The following CPEB4 variants were observed in gnomAD, a reference collection of about 807,000 sequenced individuals.
The protein encoded by CPEB4 is cytoplasmic polyadenylation element binding protein 4.
CPEB4 carries 12 observed loss-of-function variants against 72.5 expected under a neutral mutation model. The ratio of observed to expected loss-of-function variants is 0.17; its 90% CI spans 0.11 to 0.27. The LOEUF (loss-of-function observed/expected upper bound fraction) is 0.27, where lower values mean the gene tolerates loss of function less well. Ranked by LOEUF, CPEB4 falls within the 10% of genes least tolerant of loss-of-function variation. The probability of loss-of-function intolerance (pLI) is 1.00; values close to 1 mark genes in which losing one functional copy is unlikely to be tolerated. For missense variants in CPEB4, 614 were observed against 908.5 expected (o/e 0.68, Z 4.17); for synonymous variants, 302 against 326.3 (o/e 0.93, Z 0.80).
chr5:173,924,737 C>T (rs1234140867), intron 2 of CPEB4, among the ~76,000 whole-genome samples: 2 of 152,194 alleles, frequency 1.3e-5, no homozygotes, highest in Admixed American at 1.3e-4. Context: ...ATGATACCGG[C>T]TTGACTCTAC....
chr5:173,941,043 G>A (rs1466825413), intron 3 of CPEB4, among the ~76,000 whole-genome samples: 1 of 152,104 alleles, frequency 6.6e-6, no homozygotes, highest in Non-Finnish European at 1.5e-5. Flanking sequence ...TGATATAATG[G>A]AAGCCATGAG....
chr5:173,897,060 TTG>T (rs1561604706), intron 1 of CPEB4, among the ~76,000 whole-genome samples: 1 of 152,250 alleles, frequency 6.6e-6, no homozygotes, highest in African/African-American at 2.4e-5. Context: ...CAAATATAGC[TTG>T]TGTTACTGTG....
At chr5:173,914,745 A>G (rs902817421) in intron 2 of CPEB4, among the ~76,000 whole-genome samples, 15 of 152,154 alleles carry the variant, frequency 9.9e-5, no homozygotes, top group African/African-American at 3.1e-4. Flanking sequence ...AACAGAAGAG[A>G]GAGACTCCGT....
rs1271561661 is a variant in CPEB4, at chr5:173,956,853, C to G, written c.*716C>G. On this transcript the variant is annotated 3_prime_UTR_variant, in exon 10 of 10. Transcript: ENST00000265085. ...AAAAAAAATAGTAAAGTAGGCAGAG[C>G]TAGGTTTATTTTCTCTTAAACAATT... 2 of 152,250 alleles carry G rather than the reference C, an allele frequency of 1.3e-5. No homozygotes were observed. The highest frequency in any genetic ancestry group is 2.9e-5 in the Non-Finnish European group (2 of 67,952). The allele number at this position is 152,250 out of a possible 1,614,324, so 9.4% of individuals were successfully genotyped here.
At chr5:173,937,019 C>CTTT (rs150187685) in intron 3 of CPEB4, among the ~76,000 whole-genome samples, 11 of 97,220 alleles carry the variant, frequency 1.1e-4, no homozygotes, top group Admixed American at 2.2e-4. Context: ...CATTTCTTTC[C>CTTT]TTTTTTTTTT....
At chr5:173,945,272 C>A (rs193029206) in intron 5 of CPEB4, 132 bp downstream of exon 5, 3 of 711,298 alleles carry the variant, frequency 4.2e-6, no homozygotes, top group Non-Finnish European at 4.6e-6. Flanking sequence ...CTTGTCCTAT[C>A]CTCCTATCAT....
intron 2 of CPEB4, among the ~76,000 whole-genome samples, chr5:173,928,312 T>C (rs886107396): frequency 6.6e-6 from 1 of 152,112 alleles, no homozygotes; most frequent in Non-Finnish European, 1.5e-5. Context: ...AATGTATAGG[T>C]TGGTGCAAAA....
In CPEB4 at chr5:173,960,256, A is replaced by G. The variant is rs2113321691; in HGVS notation, c.*4119A>G. The G allele has an allele frequency of 6.5e-6, 1 of 152,748 alleles. No individual in the cohort carries two copies. Among genetic ancestry groups the G allele is most frequent in the East Asian group, 1.9e-4 (1 of 5,200 alleles). The allele number at this position is 152,748 out of a possible 1,614,324, so 9.5% of individuals were successfully genotyped here. A position where few individuals can be genotyped will look rare whatever the true frequency, so the allele number is the denominator to read the frequency against. On this transcript the variant is annotated 3_prime_UTR_variant, in exon 10 of 10. Transcript: ENST00000265085. ...TGACTATTTATACCAGTATGCATATAATTTTTAAATATTTGTAATGTGAGA... is the reference window on the plus strand; with the variant it reads ...TGACTATTTATACCAGTATGCATATGATTTTTAAATATTTGTAATGTGAGA...
rs1758171248 is a variant in CPEB4, at chr5:173,950,292, T to C, written c.1665+214T>C. The stretch of plus-strand genomic sequence containing the variant: ...GAATTTTTGGTTAGTTGAAATATAA[T>C]TGGTAAATCTTTATTTTTAAAAGAT... On this transcript the variant is annotated intron_variant, in intron 7 of 9. Coordinates refer to ENST00000265085, the MANE Select transcript of CPEB4 (RefSeq NM_030627.4). The surrounding 1 kb of genome is among the most constrained non-coding windows in gnomAD (Gnocchi z 5.0). Among the ~76,000 whole-genome samples, 1 of 152,218 alleles carries C rather than the reference T, an allele frequency of 6.6e-6. No homozygotes were observed. Among genetic ancestry groups the C allele is most frequent in the Non-Finnish European group, 1.5e-5 (1 of 68,036 alleles).
chr5:173,908,700 CAAGTG>C (rs1299099798), intron 1 of CPEB4, among the ~76,000 whole-genome samples: 2 of 152,108 alleles, frequency 1.3e-5, no homozygotes, highest in African/African-American at 4.8e-5. Context: ...AAAATGCTCT[CAAGTG>C]GAGGACATCC....
intron 9 of CPEB4, among the ~76,000 whole-genome samples, chr5:173,954,372 A>C (rs1332884821): frequency 6.6e-6 from 1 of 152,108 alleles, no homozygotes; most frequent in Non-Finnish European, 1.5e-5. Flanking sequence ...GTATGTTAAC[A>C]TGCCTACTTT....
intron 9 of CPEB4, among the ~76,000 whole-genome samples, chr5:173,954,457 C>T (rs986031048): frequency 6.6e-6 from 1 of 152,178 alleles, no homozygotes; most frequent in Admixed American, 6.5e-5. Flanking sequence ...ACTCCAACCT[C>T]TGCCTCCCGG....
rs568295414 is a variant in CPEB4 at position 173,900,457 on chromosome 5, G to A, written c.1125+9599G>A. The stretch of plus-strand genomic sequence containing the variant: ...GTGGACCCCTCTCCCTGCTGACGCC[G>A]GACCCTGCTCAGACCTAGCAGACAT... On this transcript the variant is annotated intron_variant, in intron 1 of 9. Transcript: ENST00000265085. This position sits in a 1 kb window ranked among gnomAD's most constrained non-coding sequence, Gnocchi z 4.4. Among the ~76,000 whole-genome samples the A allele has an allele frequency of 2.0e-5, 3 of 151,914 alleles. No individual in the cohort carries two copies. The highest frequency in any genetic ancestry group is 4.8e-5 in the African/African-American group (2 of 41,434).
At chr5:173,942,921 T>C (rs552412473) in intron 3 of CPEB4, 105 bp from the exon 4 acceptor site, 173 of 1,152,796 alleles carry the variant, frequency 1.5e-4, no homozygotes, top group Non-Finnish European at 2.1e-4. Context: ...TCACAGTTTT[T>C]CCATTTTCAA....
At chr5:173,931,665 G>A (rs533566453) in intron 2 of CPEB4, among the ~76,000 whole-genome samples, 1 of 152,284 alleles carries the variant, frequency 6.6e-6, no homozygotes, top group South Asian at 2.1e-4. Context: ...GTAAGGATTT[G>A]TAGTGTAGAT....
At chr5:173,941,990 C>T (rs370790301) in intron 3 of CPEB4, among the ~76,000 whole-genome samples, 141 of 152,350 alleles carry the variant, frequency 9.3e-4, no homozygotes, top group African/African-American at 3.3e-3. Context: ...AGCACCCCTG[C>T]GTGTAACGCT....
intron 5 of CPEB4, among the ~76,000 whole-genome samples, chr5:173,946,788 G>C (rs1389229403): frequency 1.3e-5 from 2 of 152,030 alleles, no homozygotes; most frequent in Non-Finnish European, 2.9e-5. Flanking sequence ...ACCTTGCCTA[G>C]GAAAAATCAT....
intron 2 of CPEB4, among the ~76,000 whole-genome samples, chr5:173,913,478 G>A (rs1304051844): frequency 3.3e-5 from 5 of 152,144 alleles, no homozygotes; most frequent in African/African-American, 1.2e-4. Flanking sequence ...GATTACAGGC[G>A]TGAGCCACTG....
intron 4 of CPEB4, among the ~76,000 whole-genome samples, chr5:173,944,671 T>G (rs1757955988): frequency 6.6e-6 from 1 of 152,168 alleles, no homozygotes; most frequent in Non-Finnish European, 1.5e-5. Flanking sequence ...TTCTGCCGAC[T>G]GCTTGTTAAA....
Sources: allele counts gnomAD v4.1 joint callset (sites outside exome capture counted in the v4.1 genomes callset), GRCh38; gene constraint gnomAD v4.1.1; non-coding constraint Gnocchi (gnomAD v3.1); transcripts MANE v1.5; gene names NCBI Gene and HGNC (gene_info 2026-07-23, HGNC 2026-07-21).